GPR89B: variants seen among roughly 807,000 people sequenced by gnomAD.
GPR89B encodes G protein-coupled receptor 89B.
A neutral mutation model predicts 52.4 loss-of-function variants in GPR89B; 25 were observed. That is an observed-to-expected ratio of 0.48 (90% CI 0.35 to 0.67). GPR89B has a LOEUF of 0.67. GPR89B is among the 30% of genes least tolerant of loss of function. The probability of loss-of-function intolerance (pLI) is 0.01; values close to 1 mark genes in which losing one functional copy is unlikely to be tolerated. For synonymous variants in GPR89B, 52 were observed against 151.2 expected, an observed-to-expected ratio of 0.34 and a Z score of 4.81; for missense variants, 146 against 450.2, an observed-to-expected ratio of 0.32 and a Z score of 6.11.
chr1:147,929,276 CA>C (rs1553246677), intron 1 of GPR89B, among the ~76,000 whole-genome samples: 1 of 150,714 alleles, frequency 6.6e-6, no homozygotes, highest in African/African-American at 2.4e-5. Context: ...ACATGTAAGA[CA>C]CTGTCTCTGC....
chr1:147,970,600 T>C (rs1184436967), intron 10 of GPR89B, among the ~76,000 whole-genome samples: 4 of 150,836 alleles, frequency 2.7e-5, no homozygotes, highest in African/African-American at 7.4e-5. Flanking sequence ...ACATTTCTTA[T>C]TTTGCATTCT....
chr1:148,007,038 A>G, the GPR89B span, among the ~76,000 whole-genome samples: 1 of 148,674 alleles, frequency 6.7e-6, no homozygotes, highest in Non-Finnish European at 1.5e-5. Context: ...TCTCTTTGTC[A>G]TATCTGAACT....
chr1:147,976,920 C>A (rs1273418004), intron 10 of GPR89B, among the ~76,000 whole-genome samples: 1 of 151,588 alleles, frequency 6.6e-6, no homozygotes, highest in African/African-American at 2.4e-5. Context: ...ATAGGAAATT[C>A]TTGGTTGGAA....
At chr1:147,994,322 A>T, downstream of GPR89B, 1 of 1,535,266 alleles carries the variant, frequency 6.5e-7, no homozygotes, top group South Asian at 1.1e-5. Context: ...TATCTTCAGA[A>T]TTGGAAGAAG....
rs1658108696 is a variant in GPR89B at position 147,979,872 on chromosome 1, T to G, written c.910-6327T>G. On this transcript the variant is annotated intron_variant, in intron 10 of 13. Coordinates refer to ENST00000314163, the MANE Select transcript of GPR89B (RefSeq NM_016334.5). The stretch of plus-strand genomic sequence containing the variant: ...GGGAGGCTGAAGCAGGAGGACTGCT[T>G]GAGGCCAGGAATTCGAGACCAGCCT... 2.6e-5 allele frequency among the ~76,000 whole-genome samples: 4 copies of G among 152,022 alleles called. No individual in the cohort carries two copies. The South Asian group carries it at 8.3e-4, about 32-fold the overall frequency.
intron 5 of GPR89B, among the ~76,000 whole-genome samples, chr1:147,949,893 C>A (rs1384651511): frequency 1.5e-5 from 2 of 131,930 alleles, no homozygotes; most frequent in African/African-American, 3.1e-5. Flanking sequence ...CGCCCCTCAC[C>A]TCCCGGACGG....
At chr1:148,021,598 G>T in the GPR89B span, among the ~76,000 whole-genome samples, 1 of 151,712 alleles carries the variant, frequency 6.6e-6, no homozygotes, top group African/African-American at 2.4e-5. Flanking sequence ...GAGTGCAGAT[G>T]AGGGGAGCTG....
At chr1:147,985,201 T>C (rs1460621264) in intron 10 of GPR89B, among the ~76,000 whole-genome samples, 1 of 152,174 alleles carries the variant, frequency 6.6e-6, no homozygotes, top group African/African-American at 2.4e-5. Context: ...CCTTTTATCA[T>C]TCTGAAATGA....
intron 7 of GPR89B, among the ~76,000 whole-genome samples, chr1:147,958,681 A>T (rs1176226430): frequency 6.6e-6 from 1 of 151,448 alleles, no homozygotes; most frequent in Non-Finnish European, 1.5e-5. Flanking sequence ...TCAAGTGTGG[A>T]TACATACTTT....
chr1:147,938,829 T>C lies in GPR89B; in HGVS notation c.206+12T>C. Reference sequence around the variant, plus strand: ...GTATTGAATAGCAGGTGAGTAAGAGTACTGAAAACTCCTCTTGAAGAGTTC... The same window carrying C: ...GTATTGAATAGCAGGTGAGTAAGAGCACTGAAAACTCCTCTTGAAGAGTTC... On this transcript the variant is annotated intron_variant, in intron 3 of 13. Coordinates refer to ENST00000314163, the MANE Select transcript of GPR89B (RefSeq NM_016334.5). 1 of 1,487,788 alleles carries C rather than the reference T, an allele frequency of 6.7e-7. No individual in the cohort carries two copies. 92.2% of individuals were successfully genotyped at this position (1,487,788 alleles called of 1,614,324 possible).
intron 10 of GPR89B, among the ~76,000 whole-genome samples, chr1:147,983,543 A>G (rs1658427929): frequency 1.3e-5 from 2 of 152,238 alleles, no homozygotes; most frequent in African/African-American, 4.8e-5. Context: ...TCTCAAAAGA[A>G]GACATTTATG....
chr1:147,938,624 A>G, intron 2 of GPR89B, 90 bp from the exon 3 acceptor site: 3 of 1,604,976 alleles, frequency 1.9e-6, no homozygotes, highest in East Asian at 2.2e-5. Context: ...TTTCCTCAAA[A>G]TAAGTTTTCT....
chr1:147,961,833 C>A (rs1656593873), intron 7 of GPR89B, among the ~76,000 whole-genome samples: 1 of 151,660 alleles, frequency 6.6e-6, no homozygotes, highest in African/African-American at 2.4e-5. Flanking sequence ...TATAAATAAA[C>A]CATGTTAATA....
At chr1:147,935,901 A>G (rs75624862) in intron 1 of GPR89B, among the ~76,000 whole-genome samples, 3,432 of 151,854 alleles carry the variant, frequency 0.023, 51 homozygotes, top group Non-Finnish European at 0.037. Flanking sequence ...CCCCCAGCTA[A>G]TTTTTATGTG....
chr1:147,988,230 G>C (rs1400622561), intron 11 of GPR89B, among the ~76,000 whole-genome samples: 1 of 151,952 alleles, frequency 6.6e-6, no homozygotes, highest in East Asian at 1.9e-4. Flanking sequence ...AATTAAGTCT[G>C]CTAATTAAGG....
intron 7 of GPR89B, among the ~76,000 whole-genome samples, chr1:147,957,348 T>C (rs1484582198): frequency 6.6e-6 from 1 of 151,670 alleles, no homozygotes; most frequent in Non-Finnish European, 1.5e-5. Flanking sequence ...ATTTGTAAAA[T>C]AGAGGTAATA....
chr1:147,990,862 T>C (rs1212219915), intron 12 of GPR89B, among the ~76,000 whole-genome samples: 12 of 151,570 alleles, frequency 7.9e-5, no homozygotes, highest in Non-Finnish European at 1.5e-5. Context: ...CCTTGTAGTA[T>C]AGCTTGAAGT....
chr1:148,011,978 G>GTT, the GPR89B span: 2 of 152,096 alleles, frequency 1.3e-5, no homozygotes, highest in African/African-American at 2.4e-5. Context: ...GGATTCCCCC[G>GTT]GCTCTCCAGC....
chr1:148,004,387 G>A, the GPR89B span, among the ~76,000 whole-genome samples: 1 of 149,156 alleles, frequency 6.7e-6, no homozygotes, highest in Non-Finnish European at 1.5e-5. Flanking sequence ...GGATGGTCTC[G>A]ATCTCCTGAC....
Sources: gnomAD v4.1 joint callset for allele counts (sites outside exome capture counted in the v4.1 genomes callset) on GRCh38, gnomAD v4.1.1 for gene constraint, MANE v1.5 for transcripts, NCBI Gene and HGNC (gene_info 2026-07-23, HGNC 2026-07-21) for gene names.